NUBP2: variants seen among roughly 807,000 people sequenced by gnomAD.
The protein encoded by NUBP2 is NUBP iron-sulfur cluster assembly factor 2, cytosolic, also known as cytosolic Fe-S cluster assembly factor NUBP2.
A neutral mutation model predicts 24.9 loss-of-function variants in NUBP2; 23 were observed. That is an observed-to-expected ratio of 0.92 (90% CI 0.66 to 1.31). NUBP2 has a LOEUF of 1.31. NUBP2 is among the 50% of genes most tolerant of loss of function. The pLI, the probability that NUBP2 is intolerant of heterozygous loss-of-function variation, is 0.00. For missense variants in NUBP2, 403 were observed against 386.5 expected (o/e 1.04, Z -0.36); for synonymous variants, 186 against 170.9 (o/e 1.09, Z -0.69).
At chr16:1,788,099 G>C in intron 5 of NUBP2, 39 bp from the exon 6 acceptor site, 1 of 1,556,284 alleles carries the variant, frequency 6.4e-7, no homozygotes, top group Non-Finnish European at 8.7e-7. Flanking sequence ...CTGGCCGGTG[G>C]GGGCTTTGGG....
At chr16:1,787,428 CGGG>C in intron 3 of NUBP2, 1 of 574,144 alleles carries the variant, frequency 1.7e-6, no homozygotes, top group Non-Finnish European at 3.1e-6. Context: ...TTTGGGGCCT[CGGG>C]GAGTCAGCGG....
intron 1 of NUBP2, chr16:1,785,098 T>C (rs1896900635): frequency 1.0e-6 from 1 of 986,126 alleles, no homozygotes; most frequent in East Asian, 1.1e-4. Context: ...GTCCACCACG[T>C]GGAATGATCT....
At position 1,788,322 on chromosome 16, in the gene NUBP2, C is replaced by A. The variant is rs1005275780; in HGVS notation, c.670+115C>A. On this transcript the variant is annotated intron_variant, in intron 6 of 6. Coordinates refer to ENST00000262302, the MANE Select transcript of NUBP2 (RefSeq NM_012225.4). ...GGAGAGGAGGGGACGGGAGCGGTTT[C>A]CTCCTCTCTTCTCGGGCCACACGCC... 10 of 1,160,968 alleles carry A rather than the reference C, an allele frequency of 8.6e-6. No individual in the cohort carries two copies. In the African/African-American group the frequency reaches 1.6e-4, roughly 18 times the overall value. The allele number at this position is 1,160,968 out of a possible 1,614,324, so 71.9% of individuals were successfully genotyped here.
At chr16:1,784,173 C>G in intron 1 of NUBP2, 3 of 379,376 alleles carry the variant, frequency 7.9e-6, no homozygotes, top group Non-Finnish European at 1.1e-5. Context: ...TCACTGCAGC[C>G]TTGACCTCCT....
intron 3 of NUBP2, 69 bp from the exon 4 acceptor site, chr16:1,787,608 C>G: frequency 1.9e-6 from 3 of 1,574,434 alleles, no homozygotes; most frequent in Non-Finnish European, 1.7e-6. Flanking sequence ...CTGGCTGGTT[C>G]TTAGTGGCGC....
rs1320296128 is a variant in NUBP2, at chr16:1,788,569, G to T, written c.671G>T (p.Gly224Val). 1 of 1,602,424 alleles carries T rather than the reference G, an allele frequency of 6.2e-7. No homozygotes were observed. The highest frequency in any genetic ancestry group is 1.1e-5 in the South Asian group (1 of 90,156). Residue 224 changes from glycine to valine, a missense_variant and splice_region_variant, in exon 7 of 7, where the codon GGC becomes GTC. By Grantham distance (109) the Gly-to-Val change is moderately radical. Transcript: ENST00000262302. ...LAQLAGVPFLGSVPLDPALMR... is the reference protein window; with the variant it reads ...LAQLAGVPFLVSVPLDPALMR... ...CCACCGCCTCCACTGTGCCCTGCAG[G>T]CTCCGTGCCCCTGGACCCTGCGCTC...
intron 1 of NUBP2, chr16:1,785,732 C>G: frequency 7.8e-7 from 1 of 1,289,086 alleles, no homozygotes; most frequent in Non-Finnish European, 1.0e-6. Flanking sequence ...GCCAGGTTCT[C>G]CGGGAGGCTT....
Position 1,786,093 on chromosome 16 carries a change from C to T in NUBP2, c.17-444C>T. The T allele has an allele frequency of 3.6e-6, 3 of 822,730 alleles. No individual in the cohort carries two copies. The South Asian group carries it at 5.6e-5, about 15-fold the overall frequency. The allele number at this position is 822,730 out of a possible 1,614,324, so 51.0% of individuals were successfully genotyped here. A position where few individuals can be genotyped will look rare whatever the true frequency, so the allele number is the denominator to read the frequency against. ...GTGTGACAACGCGTGGTTGTTGCCA[C>T]CCACCCTGGGCCCTCTGCTGCCTCT... is the stretch of plus-strand genomic sequence containing the variant. On this transcript the variant is annotated intron_variant, in intron 1 of 6. Coordinates refer to ENST00000262302, the MANE Select transcript of NUBP2 (RefSeq NM_012225.4).
chr16:1,786,757 G>T lies in NUBP2; in HGVS notation c.136G>T (p.Val46Leu). 1.9e-6 allele frequency: 3 copies of T among 1,611,270 alleles called. No homozygotes were observed. Among genetic ancestry groups the T allele is most frequent in the Non-Finnish European group, 2.5e-6 (3 of 1,178,968 alleles). The change falls in exon 3 of 7, where the codon GTG (valine) becomes TTG (leucine). Residue 46 changes from valine (V) to leucine (L), a missense_variant and splice_region_variant. Physicochemically the swap from Val to Leu is conservative, Grantham distance 32. Transcript: ENST00000262302. ...GCCTAGGCTGTGCCGCTCCTTGCAG[G>T]TGGGAATCCTGGATGTGGACCTGTG... Reference protein sequence around the residue: ...ALALRHAGKKVGILDVDLCGP... With the variant: ...ALALRHAGKKLGILDVDLCGP...
chr16:1,783,989 G>A, intron 1 of NUBP2: 1 of 984,770 alleles, frequency 1.0e-6, no homozygotes, highest in Non-Finnish European at 1.2e-6. Flanking sequence ...CACGGCGCCT[G>A]GCCCAGTGCT....
intron 1 of NUBP2, chr16:1,783,746 T>G (rs979729634): frequency 6.0e-6 from 1 of 167,090 alleles, no homozygotes; most frequent in Admixed American, 6.5e-5. Flanking sequence ...CAGGCTGGAG[T>G]GCAGTGGCGC....
rs1897130520 is a variant in NUBP2, at chr16:1,788,921, T to C, written c.*207T>C. The C allele has an allele frequency of 1.6e-6, 1 of 624,078 alleles. No homozygotes were observed. The highest frequency in any genetic ancestry group is 2.6e-6 in the Non-Finnish European group (1 of 378,394). 38.7% of individuals were successfully genotyped at this position (624,078 alleles called of 1,614,324 possible). ...TTGGCCTGCAGTGCCGTGGTCTGCG[T>C]GCTCTGCAGCTGTGAGACGGGGGCG... On this transcript the variant is annotated 3_prime_UTR_variant, in exon 7 of 7. Coordinates refer to ENST00000262302, the MANE Select transcript of NUBP2 (RefSeq NM_012225.4).
chr16:1,788,710 CCT>C lies in NUBP2; in HGVS notation c.813_814del (p.Ter272ThrfsTer100). The C allele has an allele frequency of 3.7e-6, 6 of 1,609,584 alleles. No homozygotes were observed. The highest frequency in any genetic ancestry group is 5.1e-6 in the Non-Finnish European group (6 of 1,178,014). On this transcript the variant is annotated frameshift_variant and stop_lost, in exon 7 of 7. Transcript: ENST00000262302. LOFTEE classifies it high-confidence loss of function. ...CTGGACGCGACGCCCGCGTGCCTCC[CCT>C]GACTAAGGCCACCTTGCAGCCGCTT...
At chr16:1,787,914 AC>A in intron 4 of NUBP2, 26 bp from the exon 5 acceptor site, 2 of 1,601,346 alleles carry the variant, frequency 1.2e-6, no homozygotes, top group Non-Finnish European at 1.7e-6. Flanking sequence ...CGCCTGGCTG[AC>A]CGTGGCCTCG....
intron 1 of NUBP2, chr16:1,785,702 G>A: frequency 7.8e-7 from 1 of 1,289,110 alleles, no homozygotes; most frequent in Non-Finnish European, 1.0e-6. Flanking sequence ...GCCTCTGTAG[G>A]TCTGAGGACC....
At position 1,788,165 on chromosome 16, in the gene NUBP2, G is replaced by A. The variant is rs749090089; in HGVS notation, c.628G>A (p.Gly210Ser). 123 of 1,537,362 alleles carry A rather than the reference G, an allele frequency of 8.0e-5. 1 individual carries two copies. The highest frequency in any genetic ancestry group is 9.9e-5 in the Non-Finnish European group (114 of 1,146,134). The change falls in exon 6 of 7, where the codon GGC becomes AGC. Residue 210 changes from glycine (G) to serine (S), a missense_variant. Physicochemically the swap from Gly to Ser is moderately conservative, Grantham distance 56 (BLOSUM62 0). Coordinates refer to ENST00000262302, the MANE Select transcript of NUBP2 (RefSeq NM_012225.4). The part of the protein sequence containing the change: ...TECTSVFSRG[G>S]GEELAQLAGV... ...GTGCACCAGCGTCTTCTCCAGGGGC[G>A]GCGGAGAGGAGCTGGCCCAGCTCGC...
At chr16:1,783,498 C>T in intron 1 of NUBP2, 2 of 989,140 alleles carry the variant, frequency 2.0e-6, no homozygotes, top group South Asian at 9.4e-5. Flanking sequence ...TCTCAGTGTT[C>T]AGAAAAGTGT....
rs1415713486 is a variant in NUBP2, at chr16:1,788,743, G to A, written c.*29G>A. The A allele has an allele frequency of 2.5e-6, 4 of 1,594,322 alleles. No individual in the cohort carries two copies. The South Asian group carries it at 3.4e-5, about 13-fold the overall frequency. ...AGGCCACCTTGCAGCCGCTTTCCAG[G>A]GCCACCAAGGGCTCTGCTCCAGCCT... On this transcript the variant is annotated 3_prime_UTR_variant, in exon 7 of 7. Transcript: ENST00000262302.
In NUBP2 at chr16:1,787,083, C is replaced by T. The variant is rs907506944; in HGVS notation, c.334+128C>T. 16 of 864,282 alleles carry T rather than the reference C, an allele frequency of 1.9e-5. No individual in the cohort carries two copies. The African/African-American group carries it at 2.7e-4, about 15-fold the overall frequency. The allele number at this position is 864,282 out of a possible 1,614,324, so 53.5% of individuals were successfully genotyped here. ...GGGGACCTGCACATGACACCCACGA[C>T]CAGGCACAGGGCTCAGGCTGGCGGT... On this transcript the variant is annotated intron_variant, in intron 3 of 6. Coordinates refer to ENST00000262302, the MANE Select transcript of NUBP2 (RefSeq NM_012225.4).
Sources: allele counts gnomAD v4.1 joint callset, GRCh38; gene constraint gnomAD v4.1.1; transcripts MANE v1.5; gene names NCBI Gene and HGNC (gene_info 2026-07-23, HGNC 2026-07-21).